SAMD11: variants seen among roughly 807,000 people sequenced by gnomAD.
SAMD11 encodes sterile alpha motif domain containing 11.
SAMD11 carries 77 observed loss-of-function variants against 64.4 expected under a neutral mutation model. The ratio of observed to expected loss-of-function variants is 1.20; its 90% confidence interval spans 0.99 to 1.44. SAMD11 has a LOEUF of 1.44. SAMD11 is among the 40% of genes most tolerant of loss of function. The pLI is 0.00. For missense variants in SAMD11, 1,402 were observed against 943.3 expected, an observed-to-expected ratio of 1.49 and a Z score of -6.37; for synonymous variants, 658 against 421.9, an observed-to-expected ratio of 1.56 and a Z score of -6.86.
chr1:940,420 G>A (rs1641693347), intron 7 of SAMD11: 1 of 152,054 alleles, frequency 6.6e-6, no homozygotes, highest in Non-Finnish European at 1.5e-5. Context: ...TGGGCTCTGC[G>A]GGCTGGCACC....
intron 5 of SAMD11, among the ~76,000 whole-genome samples, chr1:936,109 G>T (rs1057218246): frequency 2.6e-5 from 4 of 152,226 alleles, no homozygotes; most frequent in Non-Finnish European, 5.9e-5. Flanking sequence ...GCTGCCGCTG[G>T]GGTGGGCTTG....
chr1:942,885 AG>A lies in SAMD11; in HGVS notation c.1881del (p.Glu627AspfsTer61). 1.3e-6 allele frequency: 2 copies of A among 1,554,720 alleles called. No homozygotes were observed. The highest frequency in any genetic ancestry group is 1.7e-6 in the Non-Finnish European group (2 of 1,149,326). On this transcript the variant is annotated frameshift_variant, in exon 11 of 14. Transcript: ENST00000616016. LOFTEE classifies it high-confidence loss of function. ...TGGGCACAAGATGGCTCGGAAGACG[AG>A]CCCCCCAAAGACTCGGACGGAGAGG... is the stretch of plus-strand genomic sequence containing the variant. Reference protein sequence around the residue: ...RLWAQDGSEDEPPKDSDGEDP... With the variant: ...RLWAQDGSEDXPPKDSDGEDP...
intron 4 of SAMD11, 46 bp downstream of exon 4, chr1:931,135 T>TTCCCCCC: frequency 1.4e-6 from 2 of 1,445,476 alleles, no homozygotes; most frequent in African/African-American, 1.4e-5. Context: ...GTGACTCCCC[T>TTCCCCCC]CCCTCCCTCC....
chr1:925,633 C>T (rs913087969), intron 1 of SAMD11: 107 of 326,984 alleles, frequency 3.3e-4, no homozygotes, highest in African/African-American at 2.2e-3. Context: ...CTGCGGTTCC[C>T]TCGGGGCCGG....
In SAMD11 at chr1:942,974, G is replaced by T; in HGVS notation, c.1969G>T (p.Ala657Ser). 1 of 1,537,426 alleles carries T rather than the reference G, an allele frequency of 6.5e-7. No homozygotes were observed. Among genetic ancestry groups the T allele is most frequent in the South Asian group, 1.2e-5 (1 of 82,356 alleles). ...TCCGGGCCAAGCTCCAGCTGGAGGG[G>T]CCGGCGCCGAGGGGAAGGGGCTTTT... ...PTPGQAPAGG[A>S]GAEGKGLFPG... Residue 657 changes from alanine (A) to serine (S), a missense_variant, in exon 11 of 14, where the codon GCC becomes TCC. Coordinates refer to ENST00000616016, the MANE Select transcript of SAMD11 (RefSeq NM_001385641.1).
chr1:932,260 T>TC (rs1300945646), intron 4 of SAMD11, among the ~76,000 whole-genome samples: 1 of 151,902 alleles, frequency 6.6e-6, no homozygotes, highest in Non-Finnish European at 1.5e-5. Context: ...CCAGCCGCGG[T>TC]CCCCCCGACC....
In SAMD11 at chr1:942,147, A is replaced by G. The variant is rs1197009670; in HGVS notation, c.1370A>G (p.Gln457Arg). ...GCTGCCGTCCACAGGGAGCTGCCTC[A>G]GCCGCCCCCCTTGCTGTCGCCGCAG... is the stretch of plus-strand genomic sequence containing the variant. ...APSFSERELP[Q>R]PPPLLSPQNA... The change falls in exon 9 of 14, where the codon CAG (glutamine) becomes CGG (arginine). Residue 457 changes from glutamine (Q) to arginine (R), a missense_variant. Coordinates refer to ENST00000616016, the MANE Select transcript of SAMD11 (RefSeq NM_001385641.1). 1.5e-6 allele frequency: 2 copies of G among 1,360,588 alleles called. No individual in the cohort carries two copies. The highest frequency in any genetic ancestry group is 2.0e-6 in the Non-Finnish European group (2 of 1,019,560). The allele number at this position is 1,360,588 out of a possible 1,614,324, so 84.3% of individuals were successfully genotyped here. A position where few individuals can be genotyped will look rare whatever the true frequency, so the allele number is the denominator to read the frequency against.
chr1:930,257 G>A lies in SAMD11; in HGVS notation c.712G>A (p.Asp238Asn), dbSNP rs769468456. ...CTTCTCTGCCAGCGATGGTGACAGC[G>A]ACGGGAGTGGCCCCACCTGTGGGCG... ...PSFSASDGDS[D>N]GSGPTCGRRP... is the part of the protein sequence containing the mutation. The change falls in exon 3 of 14, where the codon GAC becomes AAC. Residue 238 changes from aspartate to asparagine, a missense_variant. Physicochemically the swap from Asp to Asn is conservative, Grantham distance 23 (BLOSUM62 1). Coordinates refer to ENST00000616016, the MANE Select transcript of SAMD11 (RefSeq NM_001385641.1). The A allele has an allele frequency of 6.8e-6, 11 of 1,606,890 alleles. No homozygotes were observed. The highest frequency in any genetic ancestry group is 3.3e-4 in the Middle Eastern group (2 of 6,072).
chr1:926,039 TG>T, intron 2 of SAMD11, 26 bp downstream of exon 2: 1 of 1,603,054 alleles, frequency 6.2e-7, no homozygotes. Flanking sequence ...CGGTTGGGGC[TG>T]GGAGTTACTC....
Position 944,413 on chromosome 1 carries a change from G to T in SAMD11, c.*260G>T, listed in dbSNP as rs571374089. 1.8e-6 allele frequency: 2 copies of T among 1,127,332 alleles called. No homozygotes were observed. Among genetic ancestry groups the T allele is most frequent in the East Asian group, 4.0e-5 (1 of 24,898 alleles). The allele number at this position is 1,127,332 out of a possible 1,614,324, so 69.8% of individuals were successfully genotyped here. A position where few individuals can be genotyped will look rare whatever the true frequency, so the allele number is the denominator to read the frequency against. On this transcript the variant is annotated 3_prime_UTR_variant, in exon 14 of 14. Transcript: ENST00000616016. Reference sequence around the variant, plus strand: ...CCAGGGGCCTGCAGGCCTCCCCCTGGAACTGGGACTGGTCTCGGTCTGCTG... The same window carrying T: ...CCAGGGGCCTGCAGGCCTCCCCCTGTAACTGGGACTGGTCTCGGTCTGCTG...
intron 7 of SAMD11, among the ~76,000 whole-genome samples, chr1:940,770 A>AG (rs1449297359): frequency 3.3e-5 from 5 of 152,060 alleles, no homozygotes; most frequent in South Asian, 4.1e-4. Context: ...CCCACCGAAG[A>AG]GGGGGTCCCC....
At chr1:929,385 G>C (rs1641062003) in intron 2 of SAMD11, among the ~76,000 whole-genome samples, 1 of 152,336 alleles carries the variant, frequency 6.6e-6, no homozygotes, top group East Asian at 1.9e-4. Flanking sequence ...AGGGGACCTG[G>C]GCTGGTGAGG....
At chr1:938,341 G>GGCCTC (rs1353051058) in intron 5 of SAMD11, among the ~76,000 whole-genome samples, 1 of 152,122 alleles carries the variant, frequency 6.6e-6, no homozygotes, top group African/African-American at 2.4e-5. Flanking sequence ...GGGCTGGGCT[G>GGCCTC]GCCTCGTGGC....
chr1:936,389 C>CCGGT (rs1417225467), intron 5 of SAMD11, among the ~76,000 whole-genome samples: 14 of 137,996 alleles, frequency 1.0e-4, no homozygotes, highest in African/African-American at 4.5e-4. Context: ...GAAGGGGTCC[C>CCGGT]CGGTCCCGCC....
chr1:942,229 C>A lies in SAMD11; in HGVS notation c.1452C>A (p.Pro484=). 1.5e-6 allele frequency: 2 copies of A among 1,349,432 alleles called. No individual in the cohort carries two copies. The highest frequency in any genetic ancestry group is 9.6e-7 in the Non-Finnish European group (1 of 1,041,916). 83.6% of individuals were successfully genotyped at this position (1,349,432 alleles called of 1,614,324 possible). ...PHLRPPFLGV[P]SALCQTPGYG... ...TCAGGCCCCCCTTCCTGGGGGTGCC[C>A]TCGGCTCTGTGCCAGACCCCAGGTG... is the stretch of plus-strand genomic sequence containing the variant. The change falls in exon 9 of 14, where the codon CCC becomes CCA. Residue 484 remains proline (P), a synonymous_variant. Transcript: ENST00000616016.
chr1:944,027 C>G lies in SAMD11; in HGVS notation c.2409C>G (p.Ser803=), dbSNP rs774479480. The G allele has an allele frequency of 1.9e-6, 3 of 1,612,748 alleles. No homozygotes were observed. Among genetic ancestry groups the G allele is most frequent in the Non-Finnish European group, 1.7e-6 (2 of 1,179,996 alleles). Residue 803 remains serine, a synonymous_variant, in exon 14 of 14, where the codon TCC becomes TCG. Coordinates refer to ENST00000616016, the MANE Select transcript of SAMD11 (RefSeq NM_001385641.1). ...RELGTGEQPL[S]PTTATSPYGG... ...TCGGCACAGGAGAGCAGCCCTTGTCCCCCACGACGGCCACGTCCCCCTATG... is the reference window on the plus strand; with the variant it reads ...TCGGCACAGGAGAGCAGCCCTTGTCGCCCACGACGGCCACGTCCCCCTATG...
chr1:943,452 G>A (rs1641938326), intron 12 of SAMD11, 75 bp downstream of exon 12: 5 of 1,314,868 alleles, frequency 3.8e-6, no homozygotes, highest in Middle Eastern at 2.4e-4. Context: ...AAGGATGGTG[G>A]GGTAGGGCCA....
intron 7 of SAMD11, chr1:940,433 G>A (rs1227935120): frequency 3.3e-5 from 5 of 152,074 alleles, no homozygotes; most frequent in Admixed American, 3.3e-4. Context: ...CTGGCACCCG[G>A]CCCGGGGCGG....
chr1:924,277 C>A lies in SAMD11; in HGVS notation c.-155C>A, dbSNP rs1284314078. 1 of 149,544 alleles carries A rather than the reference C, an allele frequency of 6.7e-6. No homozygotes were observed. The highest frequency in any genetic ancestry group is 6.7e-5 in the Admixed American group (1 of 15,028). 9.3% of individuals were successfully genotyped at this position (149,544 alleles called of 1,614,324 possible). ...CAGTCCGGGGAGGCCTGGCGGGCGGCGCGTAGGCGGCGGCTGCGGGCGCCG... is the reference window on the plus strand; with the variant it reads ...CAGTCCGGGGAGGCCTGGCGGGCGGAGCGTAGGCGGCGGCTGCGGGCGCCG... On this transcript the variant is annotated 5_prime_UTR_variant, in exon 1 of 14. Transcript: ENST00000616016.
Sources: gnomAD v4.1 joint callset for allele counts (sites outside exome capture counted in the v4.1 genomes callset) on GRCh38, gnomAD v4.1.1 for gene constraint, MANE v1.5 for transcripts, NCBI Gene and HGNC (gene_info 2026-07-23, HGNC 2026-07-21) for gene names.